Variants in FBN1 observed in about 807,000 individuals in gnomAD.
FBN1 encodes the protein fibrillin 1.
A neutral mutation model predicts 365.1 loss-of-function variants in FBN1; 29 were observed. That is an observed-to-expected ratio of 0.08 (90% CI 0.06 to 0.11). The LOEUF is 0.11. FBN1 is among the 10% of genes least tolerant of loss of function. The pLI is 1.00. For synonymous variants in FBN1, 1,210 were observed against 1,270.5 expected (o/e 0.95, Z 1.01); for missense variants, 2,476 against 3,703.2 (o/e 0.67, Z 8.60).
chr15:48,532,899 A>T (rs1343494236), intron 8 of FBN1, among the ~76,000 whole-genome samples: 3 of 152,232 alleles, frequency 2.0e-5, no homozygotes, highest in African/African-American at 7.2e-5. Context: ...ACTATGTATA[A>T]CATGTTCAAG....
intron 6 of FBN1, among the ~76,000 whole-genome samples, chr15:48,551,265 A>T (rs1398013259): frequency 6.6e-6 from 1 of 152,116 alleles, no homozygotes; most frequent in African/African-American, 2.4e-5. Flanking sequence ...CTCCTCCCAC[A>T]CATACCATGG....
chr15:48,436,098 T>C (rs1271656076), intron 53 of FBN1, among the ~76,000 whole-genome samples: 1 of 152,140 alleles, frequency 6.6e-6, no homozygotes, highest in African/African-American at 2.4e-5. Context: ...GGAGAAAACA[T>C]TGAAATATTT....
chr15:48,610,424 C>T (rs1382406431), intron 4 of FBN1, among the ~76,000 whole-genome samples: 1 of 152,090 alleles, frequency 6.6e-6, no homozygotes, highest in Non-Finnish European at 1.5e-5. Flanking sequence ...TCATTGAGCA[C>T]CTTTTATGGT....
At chr15:48,501,364 T>G (rs1164837333) in intron 17 of FBN1, among the ~76,000 whole-genome samples, 1 of 152,240 alleles carries the variant, frequency 6.6e-6, no homozygotes, top group Non-Finnish European at 1.5e-5. Flanking sequence ...CTCTCACTCC[T>G]GCATGCTCTG....
intron 4 of FBN1, among the ~76,000 whole-genome samples, chr15:48,602,982 G>A (rs2044578783): frequency 1.3e-5 from 2 of 152,140 alleles, no homozygotes; most frequent in South Asian, 4.1e-4. Context: ...CATGCCAAGA[G>A]CTAATTTCCA....
At chr15:48,468,303 T>G in intron 37 of FBN1, 109 bp downstream of exon 37, 1 of 1,454,628 alleles carries the variant, frequency 6.9e-7, no homozygotes, top group Non-Finnish European at 9.6e-7. Flanking sequence ...AGGAAATGTT[T>G]AAATTTCTGT....
At chr15:48,598,247 G>C (rs1388252829) in intron 5 of FBN1, among the ~76,000 whole-genome samples, 2 of 152,164 alleles carry the variant, frequency 1.3e-5, no homozygotes, top group African/African-American at 4.8e-5. Context: ...AGGAACTACT[G>C]AGGTCCCTGT....
intron 62 of FBN1, 61 bp from the exon 63 acceptor site, chr15:48,420,867 A>T: frequency 6.3e-7 from 1 of 1,597,756 alleles, no homozygotes; most frequent in Non-Finnish European, 8.5e-7. Flanking sequence ...AGCCAGATGG[A>T]TTCTAATAAG....
At chr15:48,474,716 T>C in intron 32 of FBN1, 66 bp from the exon 33 acceptor site, 2 of 1,608,308 alleles carry the variant, frequency 1.2e-6, no homozygotes, top group African/African-American at 1.3e-5. Context: ...TTAAAATAAG[T>C]AATATTCAAA....
intron 4 of FBN1, among the ~76,000 whole-genome samples, chr15:48,604,131 C>G (rs571109116): frequency 6.7e-6 from 1 of 148,212 alleles, no homozygotes; most frequent in African/African-American, 2.7e-5. Context: ...AATGTGAGCA[C>G]GCTATGGGAA....
In FBN1 at chr15:48,505,017, T is replaced by C; in HGVS notation, c.1960+8A>G. 1 of 1,614,122 alleles carries C rather than the reference T, an allele frequency of 6.2e-7. No homozygotes were observed. Among genetic ancestry groups the C allele is most frequent in the South Asian group, 1.1e-5 (1 of 91,082 alleles). ...TCTCTCATAAGGTTAGCCATGATGT[T>C]TTCTTACCAACACACACACGGCCAT... On this transcript the variant is annotated splice_region_variant and intron_variant, in intron 16 of 65. Transcript: ENST00000316623.
intron 44 of FBN1, among the ~76,000 whole-genome samples, chr15:48,455,377 CA>C (rs2043231072): frequency 6.6e-6 from 1 of 151,956 alleles, no homozygotes; most frequent in Non-Finnish European, 1.5e-5. Context: ...GCAGCTTCAG[CA>C]AATATAAGTG....
At position 48,542,781 on chromosome 15, in the gene FBN1, A is replaced by ATGTGTGTGTGTG. The variant is rs58728910; in HGVS notation, c.539-4985_539-4974dup. On this transcript the variant is annotated intron_variant, in intron 6 of 65. Coordinates refer to ENST00000316623, the MANE Select transcript of FBN1 (RefSeq NM_000138.5). Reference sequence around the variant, plus strand: ...TATTTCTGCCCTCTAGGACTCTAAGATGTGTGTGTGTGTGTGTGTGTGTGT... The same window carrying ATGTGTGTGTGTG: ...TATTTCTGCCCTCTAGGACTCTAAGATGTGTGTGTGTGTGTGTGTGTGTGTGTGTGTGTGTGT... 2.0e-3 allele frequency among the ~76,000 whole-genome samples: 262 copies of ATGTGTGTGTGTG among 130,650 alleles called. 2 individuals carry two copies. The highest frequency in any genetic ancestry group is 9.2e-3 in the East Asian group (35 of 3,798). The allele number at this position is 130,650 out of a possible 152,430, so 85.7% of individuals were successfully genotyped here.
At chr15:48,428,942 A>G (rs559824877) in intron 56 of FBN1, among the ~76,000 whole-genome samples, 1 of 152,162 alleles carries the variant, frequency 6.6e-6, no homozygotes, top group African/African-American at 2.4e-5. Context: ...AAAGCAACCA[A>G]TTCTGGGGCC....
chr15:48,517,470 G>T (rs1298909810), intron 10 of FBN1, among the ~76,000 whole-genome samples: 1 of 152,226 alleles, frequency 6.6e-6, no homozygotes, highest in Non-Finnish European at 1.5e-5. Context: ...GTGACCCTCT[G>T]AATGAGGACA....
intron 6 of FBN1, among the ~76,000 whole-genome samples, chr15:48,586,053 A>G (rs1385935217): frequency 6.6e-6 from 1 of 152,220 alleles, no homozygotes; most frequent in Non-Finnish European, 1.5e-5. Context: ...TGACAAGGTG[A>G]ATATGCTCAT....
At chr15:48,553,873 T>G (rs1399086325) in intron 6 of FBN1, among the ~76,000 whole-genome samples, 2 of 152,162 alleles carry the variant, frequency 1.3e-5, no homozygotes, top group African/African-American at 2.4e-5. Flanking sequence ...AGGAAACTTA[T>G]AGAAGAAGAA....
chr15:48,434,021 C>T (rs1272072917), intron 54 of FBN1, among the ~76,000 whole-genome samples: 2 of 152,208 alleles, frequency 1.3e-5, no homozygotes, highest in African/African-American at 4.8e-5. Flanking sequence ...GATGCTGATA[C>T]AGCTGCTCCT....
chr15:48,450,969 G>A (rs1267410757), intron 45 of FBN1, among the ~76,000 whole-genome samples: 1 of 152,198 alleles, frequency 6.6e-6, no homozygotes, highest in African/African-American at 2.4e-5. Context: ...AGGCTGAATG[G>A]TTGCAAAACT....
Sources: allele counts gnomAD v4.1 joint callset (sites outside exome capture counted in the v4.1 genomes callset), GRCh38; gene constraint gnomAD v4.1.1; transcripts MANE v1.5; gene names NCBI Gene and HGNC (gene_info 2026-07-23, HGNC 2026-07-21).